The following GAPVD1 variants were observed in gnomAD, a reference collection of about 807,000 sequenced individuals.
GAPVD1 encodes GTPase activating protein and VPS9 domains 1.
GAPVD1 carries 35 observed loss-of-function variants against 155.5 expected under a neutral mutation model. That is an observed-to-expected ratio of 0.23 (90% CI 0.17 to 0.30). The LOEUF (loss-of-function observed/expected upper bound fraction) is 0.30, where lower values mean the gene tolerates loss of function less well. Ranked by LOEUF, GAPVD1 falls within the 10% of genes least tolerant of loss-of-function variation. The pLI, the probability that GAPVD1 is intolerant of heterozygous loss-of-function variation, is 1.00. For missense variants in GAPVD1, 1,429 were observed against 1,775.7 expected (o/e 0.80, Z 3.51); for synonymous variants, 636 against 619.7 (o/e 1.03, Z -0.39).
chr9:125,307,585 CT>C (rs1477316660), intron 7 of GAPVD1, 38 bp downstream of exon 7: 3 of 1,595,136 alleles, frequency 1.9e-6, no homozygotes, highest in Middle Eastern at 3.3e-4. Flanking sequence ...TCTCGAAAGT[CT>C]TTTAGCTAAG....
intron 1 of GAPVD1, among the ~76,000 whole-genome samples, chr9:125,262,191 C>T (rs1301925003): frequency 6.6e-6 from 1 of 151,940 alleles, no homozygotes; most frequent in Non-Finnish European, 1.5e-5. Context: ...CGGCCTGGGG[C>T]TGAGGAGAGG....
intron 25 of GAPVD1, among the ~76,000 whole-genome samples, chr9:125,358,457 T>C (rs990279520): frequency 3.3e-5 from 5 of 152,190 alleles, no homozygotes; most frequent in African/African-American, 9.6e-5. Flanking sequence ...ACCTCAACCA[T>C]GTTAAAGTTG....
chr9:125,355,619 TA>T lies in GAPVD1; in HGVS notation c.3758-20del, dbSNP rs957764609. 6.5e-6 allele frequency: 9 copies of T among 1,387,116 alleles called. No homozygotes were observed. In the African/African-American group the frequency reaches 8.7e-5, roughly 13 times the overall value. The allele number at this position is 1,387,116 out of a possible 1,614,324, so 85.9% of individuals were successfully genotyped here. ...TTTAGATAGTTTTTATTAAACTATT[TA>T]AAAATTATTATTTTGCTTTGGAGAC... On this transcript the variant is annotated intron_variant, in intron 24 of 27. Transcript: ENST00000297933.
chr9:125,272,328 A>G (rs540733401), intron 2 of GAPVD1, among the ~76,000 whole-genome samples: 1 of 152,198 alleles, frequency 6.6e-6, no homozygotes, highest in Non-Finnish European at 1.5e-5. Context: ...AGCCAAAAAT[A>G]CATTAATTCT....
chr9:125,328,961 G>A (rs371765022), intron 12 of GAPVD1, among the ~76,000 whole-genome samples: 5 of 152,202 alleles, frequency 3.3e-5, no homozygotes, highest in South Asian at 4.1e-4. Context: ...GTGAAACCCC[G>A]TCTCCACCAA....
chr9:125,331,931 C>G lies in GAPVD1; in HGVS notation c.2179C>G (p.Pro727Ala), dbSNP rs1465317512. The G allele has an allele frequency of 1.9e-6, 3 of 1,613,978 alleles. No individual in the cohort carries two copies. Among genetic ancestry groups the G allele is most frequent in the Non-Finnish European group, 2.5e-6 (3 of 1,179,908 alleles). The change falls in exon 14 of 28, where the codon CCA becomes GCA. Residue 727 changes from proline (P) to alanine (A), a missense_variant. By Grantham distance (27) the Pro-to-Ala change is conservative (BLOSUM62 -1). Transcript: ENST00000297933. ...ACCTCTTATCTTCTATTTAGAGGCC[C>G]CAGACCTAAAGCAGGAGGAGCGTCT... Reference protein sequence around the residue: ...VEVLPSDSEAPDLKQEERLQE... With the variant: ...VEVLPSDSEAADLKQEERLQE...
At position 125,286,076 on chromosome 9, in the gene GAPVD1, G is replaced by A. The variant is rs145719294; in HGVS notation, c.-149-9382G>A. Among the ~76,000 whole-genome samples, 709 of 151,864 alleles carry A rather than the reference G, an allele frequency of 4.7e-3. 6 individuals carry two copies. The highest frequency in any genetic ancestry group is 0.016 in the African/African-American group (666 of 41,388). ...ACCTGCTTTGGCCTGCCAAAGTGCC[G>A]GGTCCATAGATGTGAGCCACTTCAC... On this transcript the variant is annotated intron_variant, in intron 2 of 27. Coordinates refer to ENST00000297933, the MANE Select transcript of GAPVD1 (RefSeq NM_001282680.3).
Position 125,329,070 on chromosome 9 carries a change from G to C in GAPVD1, c.2033-1008G>C, listed in dbSNP as rs539142623. Among the ~76,000 whole-genome samples the C allele has an allele frequency of 1.2e-4, 18 of 152,306 alleles. 1 individual carries two copies. In the South Asian group the frequency reaches 3.1e-3, roughly 26 times the overall value. On this transcript the variant is annotated intron_variant, in intron 12 of 27. Coordinates refer to ENST00000297933, the MANE Select transcript of GAPVD1 (RefSeq NM_001282680.3). ...GAGGTTGCAGTGAGCCAAGATGGCA[G>C]CAGTACAGTCCAGCTTCGGCTCCGC...
intron 5 of GAPVD1, among the ~76,000 whole-genome samples, chr9:125,304,672 G>A (rs890304922): frequency 3.9e-5 from 6 of 152,090 alleles, no homozygotes; most frequent in East Asian, 1.9e-4. Context: ...CTTTGTGAAC[G>A]CTATAAGGTA....
chr9:125,278,478 G>A (rs576850107), intron 2 of GAPVD1, among the ~76,000 whole-genome samples: 98 of 152,100 alleles, frequency 6.4e-4, no homozygotes, highest in Middle Eastern at 3.4e-3. Flanking sequence ...CCAAGATCAT[G>A]CCACTACCCT....
intron 12 of GAPVD1, among the ~76,000 whole-genome samples, chr9:125,328,957 C>T (rs906154248): frequency 2.6e-5 from 4 of 152,226 alleles, no homozygotes; most frequent in African/African-American, 7.2e-5. Flanking sequence ...CACAGTGAAA[C>T]CCCGTCTCCA....
intron 9 of GAPVD1, among the ~76,000 whole-genome samples, chr9:125,312,990 T>C (rs1842865535): frequency 6.6e-6 from 1 of 152,100 alleles, no homozygotes; most frequent in Non-Finnish European, 1.5e-5. Context: ...CCAGCTAATT[T>C]TGTATTTTTA....
chr9:125,302,473 T>C lies in GAPVD1; in HGVS notation c.676T>C (p.Phe226Leu), dbSNP rs753110035. The C allele has an allele frequency of 6.2e-7, 1 of 1,613,398 alleles. No individual in the cohort carries two copies. Among genetic ancestry groups the C allele is most frequent in the Non-Finnish European group, 8.5e-7 (1 of 1,179,808 alleles). ...AGATCCAAACAAGCTAATTGAGAGGTTCTCTCCATCTCAGCAGGAAAAACT... is the reference window on the plus strand; with the variant it reads ...AGATCCAAACAAGCTAATTGAGAGGCTCTCTCCATCTCAGCAGGAAAAACT... The part of the protein sequence containing the change: ...ETDPNKLIER[F>L]SPSQQEKLFG... The change falls in exon 5 of 28, where the codon TTC (phenylalanine) becomes CTC (leucine). Residue 226 changes from phenylalanine to leucine, a missense_variant. Phe to Leu is a conservative substitution (Grantham distance 22, BLOSUM62 0). Around this residue, in one of 4 missense-constraint regions of GAPVD1, gnomAD observed 628 missense variants for 733.4 expected, o/e 0.86. Coordinates refer to ENST00000297933, the MANE Select transcript of GAPVD1 (RefSeq NM_001282680.3).
intron 9 of GAPVD1, among the ~76,000 whole-genome samples, chr9:125,321,185 C>G (rs1457562219): frequency 6.6e-6 from 1 of 152,162 alleles, no homozygotes; most frequent in East Asian, 1.9e-4. Context: ...CACCACTACT[C>G]ATCTGGTAGT....
rs779092081 is a variant in GAPVD1 at position 125,350,723 on chromosome 9, T to C, written c.3420T>C (p.Ile1140=). Residue 1140 remains isoleucine, a synonymous_variant, in exon 23 of 28, where the codon ATT becomes ATC. Coordinates refer to ENST00000297933, the MANE Select transcript of GAPVD1 (RefSeq NM_001282680.3). ...GTATCTTTTATTTAGACAATGAAAT[T>C]GTATGCTTCTTAAAAGTTCAAATAG... is the stretch of plus-strand genomic sequence containing the variant. ...PDHTDPEDNE[I]VCFLKVQIAE... 10 of 1,514,976 alleles carry C rather than the reference T, an allele frequency of 6.6e-6. No homozygotes were observed. Among genetic ancestry groups the C allele is most frequent in the Non-Finnish European group, 9.1e-6 (10 of 1,092,946 alleles). 93.8% of individuals were successfully genotyped at this position (1,514,976 alleles called of 1,614,324 possible).
In GAPVD1 at chr9:125,341,315, C is replaced by G. The variant is rs867597029; in HGVS notation, c.2965+51C>G. On this transcript the variant is annotated intron_variant, in intron 18 of 27. Transcript: ENST00000297933. ...TGTATTAGCAATAAGAAGCAAAGCCCCAGAATCTCTTTCAGAGAGCCAATG... is the reference window on the plus strand; with the variant it reads ...TGTATTAGCAATAAGAAGCAAAGCCGCAGAATCTCTTTCAGAGAGCCAATG... 5.5e-6 allele frequency: 5 copies of G among 907,044 alleles called. No homozygotes were observed. The Middle Eastern group carries it at 8.8e-4, about 160-fold the overall frequency. 56.2% of individuals were successfully genotyped at this position (907,044 alleles called of 1,614,324 possible).
intron 23 of GAPVD1, among the ~76,000 whole-genome samples, chr9:125,351,430 C>T (rs556178161): frequency 3.3e-5 from 5 of 152,220 alleles, no homozygotes; most frequent in African/African-American, 1.2e-4. Flanking sequence ...AAAGTCTTAA[C>T]TCATTTTAGC....
intron 10 of GAPVD1, among the ~76,000 whole-genome samples, chr9:125,322,409 T>C (rs1269161389): frequency 1.3e-5 from 2 of 151,830 alleles, no homozygotes; most frequent in Non-Finnish European, 2.9e-5. Context: ...TTTACTGACA[T>C]TTAAAAAGAA....
intron 12 of GAPVD1, among the ~76,000 whole-genome samples, chr9:125,327,588 C>A (rs1174471828): frequency 6.6e-6 from 1 of 152,128 alleles, no homozygotes; most frequent in Non-Finnish European, 1.5e-5. Context: ...ACTGCAACCT[C>A]TGCCTCCCTG....
Sources: allele counts gnomAD v4.1 joint callset (sites outside exome capture counted in the v4.1 genomes callset), GRCh38; gene constraint gnomAD v4.1.1; regional missense constraint gnomAD v4.1.1; transcripts MANE v1.5; gene names NCBI Gene and HGNC (gene_info 2026-07-23, HGNC 2026-07-21).